PBX1: variants seen among roughly 807,000 people sequenced by gnomAD.
PBX1 encodes PBX homeobox 1.
Under a neutral mutation model 53.4 loss-of-function variants are expected in PBX1, and 6 were observed. The ratio of observed to expected loss-of-function variants is 0.11; its 90% CI spans 0.06 to 0.22. The LOEUF is 0.22. PBX1 is among the 10% of genes least tolerant of loss of function. The probability of loss-of-function intolerance (pLI) is 1.00; values close to 1 mark genes in which losing one functional copy is unlikely to be tolerated. For missense variants in PBX1, 251 were observed against 551.4 expected, an observed-to-expected ratio of 0.46 and a Z score of 5.46; for synonymous variants, 204 against 212.3, an observed-to-expected ratio of 0.96 and a Z score of 0.34.
intron 2 of PBX1, among the ~76,000 whole-genome samples, chr1:164,620,565 T>C (rs1342138310): frequency 1.3e-5 from 2 of 152,206 alleles, no homozygotes; most frequent in Non-Finnish European, 2.9e-5. Flanking sequence ...AACCATATTC[T>C]CGTGGCCTAA....
intron 7 of PBX1, among the ~76,000 whole-genome samples, chr1:164,820,652 T>C (rs1670106219): frequency 6.6e-6 from 1 of 152,208 alleles, no homozygotes. Context: ...CCCAGCCAGG[T>C]TGACTAAATA....
At chr1:164,765,187 A>G (rs1238948784) in intron 2 of PBX1, among the ~76,000 whole-genome samples, 1 of 152,230 alleles carries the variant, frequency 6.6e-6, no homozygotes, top group Non-Finnish European at 1.5e-5. Flanking sequence ...CAAGCAGTAT[A>G]AAGATGTACA....
chr1:164,818,355 C>A (rs1364945240), intron 6 of PBX1: 1 of 152,212 alleles, frequency 6.6e-6, no homozygotes, highest in African/African-American at 2.4e-5. Flanking sequence ...CCAGATCTTA[C>A]ACTTGTTTTG....
intron 2 of PBX1, among the ~76,000 whole-genome samples, chr1:164,648,886 G>C (rs1428943354): frequency 6.6e-6 from 1 of 152,154 alleles, no homozygotes; most frequent in Non-Finnish European, 1.5e-5. Flanking sequence ...TTAGAACTGG[G>C]CTAAAAGAAA....
intron 2 of PBX1, among the ~76,000 whole-genome samples, chr1:164,565,422 G>GAC (rs36118857): frequency 0.069 from 10,139 of 145,894 alleles, 373 homozygotes; most frequent in East Asian, 0.12. Flanking sequence ...TGTGTTAAGG[G>GAC]ACACACACAC....
downstream of PBX1, among the ~76,000 whole-genome samples, chr1:164,853,698 C>T (rs897674019): frequency 9.2e-5 from 14 of 152,144 alleles, no homozygotes; most frequent in Non-Finnish European, 1.5e-4. Context: ...AGCTGCAGTA[C>T]GTTAGGGCCA....
At chr1:164,794,447 C>G (rs1046779207) in intron 3 of PBX1, among the ~76,000 whole-genome samples, 2 of 152,156 alleles carry the variant, frequency 1.3e-5, no homozygotes, top group Admixed American at 6.5e-5. Context: ...ATTTGACCAT[C>G]AGACAAGGTG....
chr1:164,790,791 G>A (rs1305959693), intron 2 of PBX1, among the ~76,000 whole-genome samples: 1 of 152,232 alleles, frequency 6.6e-6, no homozygotes, highest in East Asian at 1.9e-4. Context: ...TGTGGGCACA[G>A]CCAGCAGTTA....
At chr1:164,810,702 T>A (rs370567387) in intron 5 of PBX1, among the ~76,000 whole-genome samples, 1 of 152,328 alleles carries the variant, frequency 6.6e-6, no homozygotes, top group African/African-American at 2.4e-5. Flanking sequence ...AATTTCAAAG[T>A]GAAACTAGAT....
chr1:164,870,282 T>TTTCTTTCC (rs1672335870), intron 2 of PBX1, among the ~76,000 whole-genome samples: 1 of 26,024 alleles, frequency 3.8e-5, no homozygotes, highest in Non-Finnish European at 8.0e-5. Flanking sequence ...TCTTTCTTTC[T>TTTCTTTCC]TTCTTTCTTT....
intron 4 of PBX1, among the ~76,000 whole-genome samples, chr1:164,805,448 C>T (rs576547551): frequency 6.6e-6 from 1 of 152,266 alleles, no homozygotes; most frequent in Non-Finnish European, 1.5e-5. Flanking sequence ...GAAGATTGCA[C>T]ATCACAAGGA....
At chr1:164,699,097 G>A (rs566095365) in intron 2 of PBX1, among the ~76,000 whole-genome samples, 3 of 152,128 alleles carry the variant, frequency 2.0e-5, no homozygotes, top group South Asian at 2.1e-4. Flanking sequence ...ATAGGCATGC[G>A]TGCTCTCACA....
chr1:164,647,396 A>G (rs1184098732), intron 2 of PBX1, among the ~76,000 whole-genome samples: 1 of 152,156 alleles, frequency 6.6e-6, no homozygotes, highest in Admixed American at 6.5e-5. Flanking sequence ...TAAAGACTGC[A>G]GGCTTCCCAG....
chr1:164,650,539 T>C (rs1372128594), intron 2 of PBX1, among the ~76,000 whole-genome samples: 4 of 152,150 alleles, frequency 2.6e-5, no homozygotes, highest in African/African-American at 9.7e-5. Context: ...GTTGCTACTT[T>C]CTATTGGAAG....
intron 2 of PBX1, among the ~76,000 whole-genome samples, chr1:164,744,880 G>A (rs1028488694): frequency 2.0e-5 from 3 of 152,132 alleles, no homozygotes; most frequent in Non-Finnish European, 4.4e-5. Context: ...AGACAGTGGT[G>A]GGGGTGGTGG....
At chr1:164,802,000 A>C (rs1669104448) in intron 4 of PBX1, among the ~76,000 whole-genome samples, 1 of 152,228 alleles carries the variant, frequency 6.6e-6, no homozygotes, top group Admixed American at 6.5e-5. Context: ...CACTCACTGC[A>C]GATATTCACA....
intron 8 of PBX1, 93 bp downstream of exon 8, chr1:164,821,719 G>T: frequency 1.1e-6 from 1 of 906,600 alleles, no homozygotes. Context: ...CCACTTAGTA[G>T]GGCTTATCTT....
At chr1:164,834,369 A>T (rs1670926021) in intron 8 of PBX1, among the ~76,000 whole-genome samples, 1 of 144,164 alleles carries the variant, frequency 6.9e-6, no homozygotes, top group African/African-American at 2.6e-5. Context: ...TTTGAGACAG[A>T]GTCTCACTCT....
At chr1:164,867,442 C>T (rs7355162) in intron 2 of PBX1, among the ~76,000 whole-genome samples, 1 of 152,188 alleles carries the variant, frequency 6.6e-6, no homozygotes, top group Non-Finnish European at 1.5e-5. Context: ...GACAAAGTGC[C>T]TCAAGGTATT....
Sources: allele counts gnomAD v4.1 joint callset (sites outside exome capture counted in the v4.1 genomes callset), GRCh38; gene constraint gnomAD v4.1.1; transcripts MANE v1.5; gene names NCBI Gene and HGNC (gene_info 2026-07-23, HGNC 2026-07-21).